The following ZCWPW2 variants were observed in gnomAD, a reference collection of about 807,000 sequenced individuals.
ZCWPW2 encodes the protein zinc finger CW-type and PWWP domain containing 2, also known as zinc finger CW-type PWWP domain protein 2.
In ZCWPW2, 45 loss-of-function variants were observed where a neutral mutation model predicts 46.6. The observed-to-expected ratio is 0.96, with a 90% CI of 0.76 to 1.24. The LOEUF is 1.24. Ranked by LOEUF, ZCWPW2 falls within the 50% of genes most tolerant of loss-of-function variation. The pLI, the probability that ZCWPW2 is intolerant of heterozygous loss-of-function variation, is 0.00. For missense variants in ZCWPW2, 429 were observed against 403.9 expected, an observed-to-expected ratio of 1.06 and a Z score of -0.53; for synonymous variants, 152 against 137.1, an observed-to-expected ratio of 1.11 and a Z score of -0.76.
rs1423838326 is a variant in ZCWPW2, at chr3:28,474,989, C to T, written c.493-3825C>T. Among the ~76,000 whole-genome samples the T allele has an allele frequency of 4.6e-5, 7 of 150,812 alleles. No individual in the cohort carries two copies. The East Asian group carries it at 5.9e-4, about 13-fold the overall frequency. On this transcript the variant is annotated intron_variant, in intron 4 of 9. Transcript: ENST00000383768. ...GACTACAGGCACATGCTACCACGCC[C>T]GGCTAACTTTTTATTATTATTTTTT...
At chr3:28,361,295 C>T (rs1475339969) in intron 1 of ZCWPW2, among the ~76,000 whole-genome samples, 3 of 152,250 alleles carry the variant, frequency 2.0e-5, no homozygotes, top group South Asian at 4.1e-4. Context: ...TCTCTTTCAA[C>T]AAGTAGTCTT....
chr3:28,354,564 A>G (rs1176505112), intron 1 of ZCWPW2, among the ~76,000 whole-genome samples: 138 of 124,170 alleles, frequency 1.1e-3, no homozygotes, highest in African/African-American at 3.8e-3. Context: ...AGAGAATTTT[A>G]GACCAATATC....
rs1700812850 is a variant in ZCWPW2 at position 28,524,921 on chromosome 3, A to G, written c.*233A>G. ...AAAAAACCCTGATATTTGTATTTAT[A>G]TATTTCTTGTTTGCCTTAATTTTTA... is the stretch of plus-strand genomic sequence containing the variant. On this transcript the variant is annotated 3_prime_UTR_variant, in exon 10 of 10. Coordinates refer to ENST00000383768, the MANE Select transcript of ZCWPW2 (RefSeq NM_001040432.4). The G allele has an allele frequency of 8.5e-6, 2 of 234,040 alleles. No individual in the cohort carries two copies. Among genetic ancestry groups the G allele is most frequent in the Non-Finnish European group, 1.6e-5 (2 of 126,210 alleles). 14.5% of individuals were successfully genotyped at this position (234,040 alleles called of 1,614,324 possible).
At chr3:28,448,124 A>G (rs1348304090) in intron 4 of ZCWPW2, 1 of 197,932 alleles carries the variant, frequency 5.1e-6, no homozygotes. Context: ...AGGCTTAAAA[A>G]AAAGATCAAA....
intron 3 of ZCWPW2, chr3:28,428,404 C>T (rs1166112169): frequency 1.3e-5 from 2 of 152,160 alleles, no homozygotes; most frequent in African/African-American, 2.4e-5. Flanking sequence ...AGCCATAGGA[C>T]TCTGCTCAGC....
chr3:28,465,263 T>A (rs1478164660), intron 4 of ZCWPW2, among the ~76,000 whole-genome samples: 1 of 152,206 alleles, frequency 6.6e-6, no homozygotes, highest in Non-Finnish European at 1.5e-5. Flanking sequence ...TCAAGCATGA[T>A]GTTCATTCAT....
chr3:28,350,263 A>G (rs922176413), intron 1 of ZCWPW2, among the ~76,000 whole-genome samples: 24 of 152,370 alleles, frequency 1.6e-4, no homozygotes, highest in African/African-American at 5.5e-4. Context: ...GTTATTAGAA[A>G]TAAAGTGGTA....
chr3:28,517,688 T>A (rs1208782414), intron 8 of ZCWPW2, among the ~76,000 whole-genome samples: 1 of 152,176 alleles, frequency 6.6e-6, no homozygotes, highest in Non-Finnish European at 1.5e-5. Flanking sequence ...TTCTTAAACA[T>A]TTAATAGATA....
At chr3:28,512,377 G>A (rs1050569156) in intron 6 of ZCWPW2, among the ~76,000 whole-genome samples, 3 of 151,526 alleles carry the variant, frequency 2.0e-5, no homozygotes, top group Non-Finnish European at 2.9e-5. Flanking sequence ...TAGAGACAGC[G>A]TTTTGCCATG....
intron 2 of ZCWPW2, among the ~76,000 whole-genome samples, chr3:28,410,451 G>A (rs953041968): frequency 2.6e-5 from 4 of 151,814 alleles, no homozygotes; most frequent in Non-Finnish European, 5.9e-5. Flanking sequence ...ACATTCACAA[G>A]TGTTGTTAAG....
intron 8 of ZCWPW2, 49 bp downstream of exon 8, chr3:28,515,670 C>T: frequency 1.3e-6 from 2 of 1,521,936 alleles, no homozygotes; most frequent in Non-Finnish European, 1.8e-6. Flanking sequence ...ATATATAATT[C>T]CACAGAATGT....
intron 4 of ZCWPW2, among the ~76,000 whole-genome samples, chr3:28,455,927 A>C (rs922336029): frequency 6.6e-6 from 1 of 152,160 alleles, no homozygotes; most frequent in Non-Finnish European, 1.5e-5. Context: ...TGATACCTCC[A>C]GCTTTGTTCT....
intron 1 of ZCWPW2, among the ~76,000 whole-genome samples, chr3:28,362,518 A>G (rs1487614420): frequency 1.3e-5 from 2 of 152,186 alleles, no homozygotes; most frequent in South Asian, 2.1e-4. Context: ...CAAATCCACA[A>G]TGAGATACAA....
At chr3:28,359,379 A>G (rs946183179) in intron 1 of ZCWPW2, among the ~76,000 whole-genome samples, 9 of 152,216 alleles carry the variant, frequency 5.9e-5, no homozygotes, top group Admixed American at 3.9e-4. Flanking sequence ...AGTCTAAGAC[A>G]ATTAAAATTT....
intron 3 of ZCWPW2, among the ~76,000 whole-genome samples, chr3:28,421,999 T>C (rs1162556483): frequency 2.6e-5 from 4 of 152,242 alleles, no homozygotes; most frequent in Admixed American, 2.6e-4. Flanking sequence ...TGTTTATTTT[T>C]AAATTTTTAA....
intron 2 of ZCWPW2, among the ~76,000 whole-genome samples, chr3:28,409,417 G>A (rs1295157453): frequency 6.9e-6 from 1 of 144,370 alleles, no homozygotes; most frequent in Non-Finnish European, 1.5e-5. Flanking sequence ...ACCATGCCCG[G>A]CCACTGTTTT....
At chr3:28,457,980 G>A (rs1698485038) in intron 4 of ZCWPW2, among the ~76,000 whole-genome samples, 1 of 152,026 alleles carries the variant, frequency 6.6e-6, no homozygotes, top group Non-Finnish European at 1.5e-5. Context: ...TTTTTCCTAA[G>A]CAATATAAAA....
At chr3:28,503,142 C>T (rs977332636) in intron 6 of ZCWPW2, among the ~76,000 whole-genome samples, 1 of 152,024 alleles carries the variant, frequency 6.6e-6, no homozygotes. Context: ...ACTTTTCAAC[C>T]ATAAGTCTCC....
intron 6 of ZCWPW2, among the ~76,000 whole-genome samples, chr3:28,504,506 C>T (rs946999476): frequency 6.6e-6 from 1 of 152,112 alleles, no homozygotes; most frequent in African/African-American, 2.4e-5. Context: ...AATTATAAAA[C>T]AAATAATGAA....
Sources: allele counts gnomAD v4.1 joint callset (sites outside exome capture counted in the v4.1 genomes callset), GRCh38; gene constraint gnomAD v4.1.1; transcripts MANE v1.5; gene names NCBI Gene and HGNC (gene_info 2026-07-23, HGNC 2026-07-21).